UBQLN2: variants seen among roughly 807,000 people sequenced by gnomAD.
UBQLN2 encodes ubiquilin-2.
Under a neutral mutation model 22.2 loss-of-function variants are expected in UBQLN2, and 2 were observed. The observed-to-expected ratio is 0.09, with a 90% confidence interval of 0.04 to 0.28. UBQLN2 has a LOEUF of 0.28. Ranked by LOEUF, UBQLN2 falls within the 10% of genes least tolerant of loss-of-function variation. The pLI is 1.00. For synonymous variants in UBQLN2, 252 were observed against 206.7 expected, an observed-to-expected ratio of 1.22 and a Z score of -1.88; for missense variants, 446 against 505.1, an observed-to-expected ratio of 0.88 and a Z score of 1.12.
chrX:56,564,906 A>C lies in UBQLN2; in HGVS notation c.1033A>C (p.Ser345Arg). ...AAGCACTGGTAGTGGGTCTGGCAAT[A>C]GTTCCAGCAATGCTACTGGGAACAC... Reference protein sequence around the residue: ...TTSTGSGSGNSSSNATGNTVA... With the variant: ...TTSTGSGSGNRSSNATGNTVA... Residue 345 changes from serine (S) to arginine (R), a missense_variant, in exon 1 of 1, where the codon AGT (serine) becomes CGT (arginine). Physicochemically the swap from Ser to Arg is moderately radical, Grantham distance 110. Around this residue, in one of 3 missense-constraint regions of UBQLN2, gnomAD observed 278 missense variants for 279.4 expected, o/e 1.00. Transcript: ENST00000338222. 1 of 1,211,104 alleles carries C rather than the reference A, an allele frequency of 8.3e-7. No homozygotes were observed. The highest frequency in any genetic ancestry group is 1.1e-6 in the Non-Finnish European group (1 of 895,150).
Position 56,567,065 on chromosome X carries a change from G to A in UBQLN2, c.*1317G>A, listed in dbSNP as rs1178558782. The A allele has an allele frequency of 2.4e-5, 3 of 122,646 alleles. No homozygotes were observed. Among genetic ancestry groups the A allele is most frequent in the Non-Finnish European group, 5.7e-5 (3 of 52,949 alleles). 10.1% of individuals were successfully genotyped at this position (122,646 alleles called of 1,213,427 possible). ...ACTTATATGGTTTTATTTAGAAAAT[G>A]TTTTGTCCTGTCTGGAATTATCTTG... On this transcript the variant is annotated 3_prime_UTR_variant, in exon 1 of 1. Coordinates refer to ENST00000338222, the MANE Select transcript of UBQLN2 (RefSeq NM_013444.4).
Position 56,565,388 on chromosome X carries a change from C to A in UBQLN2, c.1515C>A (p.Val505=). Residue 505 remains valine, a synonymous_variant, in exon 1 of 1, where the codon GTC becomes GTA. Transcript: ENST00000338222. ...CCATAGGCCCCATAGGCCCTATAGTCCCTTTTACCCCCATAGGCCCCATTG... is the reference window on the plus strand; with the variant it reads ...CCATAGGCCCCATAGGCCCTATAGTACCTTTTACCCCCATAGGCCCCATTG... ...VTPIGPIGPI[V]PFTPIGPIGP... The A allele has an allele frequency of 8.3e-7, 1 of 1,198,965 alleles. No individual in the cohort carries two copies. Among genetic ancestry groups the A allele is most frequent in the South Asian group, 1.8e-5 (1 of 55,495 alleles).
In UBQLN2 at chrX:56,564,997, A is replaced by G. The variant is rs1229765953; in HGVS notation, c.1124A>G (p.Gln375Arg). ...STPGMQSLLQ[Q>R]ITENPQLIQN... ...CCAGGCATGCAGAGCCTGCTGCAAC[A>G]GATAACTGAAAACCCCCAGCTGATT... Residue 375 changes from glutamine to arginine, a missense_variant, in exon 1 of 1, where the codon CAG (glutamine) becomes CGG (arginine). Physicochemically the swap from Gln to Arg is conservative, Grantham distance 43. Around this residue, in one of 3 missense-constraint regions of UBQLN2, gnomAD observed 278 missense variants for 279.4 expected, o/e 1.00. Coordinates refer to ENST00000338222, the MANE Select transcript of UBQLN2 (RefSeq NM_013444.4). The G allele has an allele frequency of 2.5e-6, 3 of 1,212,125 alleles. No individual in the cohort carries two copies.
chrX:56,565,490 C>T lies in UBQLN2; in HGVS notation c.1617C>T (p.Ser539=), dbSNP rs1177713388. 5 of 1,204,112 alleles carry T rather than the reference C, an allele frequency of 4.2e-6. No individual in the cohort carries two copies. Among genetic ancestry groups the T allele is most frequent in the African/African-American group, 1.7e-5 (1 of 57,264 alleles). ...GSGGPTGPTV[S]SAAPSETTSP... ...GTGGCCCCACGGGGCCTACTGTGTC[C>T]AGCGCTGCACCTAGTGAAACCACGA... The change falls in exon 1 of 1, where the codon TCC becomes TCT. Residue 539 remains serine, a synonymous_variant. Coordinates refer to ENST00000338222, the MANE Select transcript of UBQLN2 (RefSeq NM_013444.4).
rs921325444 is a variant in UBQLN2 at position 56,563,935 on chromosome X, A to G, written c.62A>G (p.Gln21Arg). The G allele has an allele frequency of 1.7e-6, 2 of 1,159,578 alleles. No individual in the cohort carries two copies. Among genetic ancestry groups the G allele is most frequent in the Non-Finnish European group, 2.3e-6 (2 of 867,488 alleles). ...PRPSRGPAAAQGSAAAPAEPK... is the reference protein window; with the variant it reads ...PRPSRGPAAARGSAAAPAEPK... ...CCCTCCCGCGGCCCTGCTGCGGCCC[A>G]AGGCTCGGCTGCTGCCCCGGCTGAG... Residue 21 changes from glutamine (Q) to arginine (R), a missense_variant, in exon 1 of 1, where the codon CAA (glutamine) becomes CGA (arginine). Gln to Arg is a conservative substitution (Grantham distance 43). This residue lies in a region of UBQLN2 where 39 missense variants were observed against 27.6 expected (regional missense o/e 1.41). Transcript: ENST00000338222.
chrX:56,566,704 G>A lies in UBQLN2; in HGVS notation c.*956G>A, dbSNP rs764534500. 2 of 123,059 alleles carry A rather than the reference G, an allele frequency of 1.6e-5. No individual in the cohort carries two copies. Among genetic ancestry groups the A allele is most frequent in the East Asian group, 2.8e-4 (1 of 3,561 alleles). 10.1% of individuals were successfully genotyped at this position (123,059 alleles called of 1,213,427 possible). ...CAGCCTGAAGGATCAGTGTAGTAATGCCAGGAAAGTGCTTTTTACCTAAGA... is the reference window on the plus strand; with the variant it reads ...CAGCCTGAAGGATCAGTGTAGTAATACCAGGAAAGTGCTTTTTACCTAAGA... On this transcript the variant is annotated 3_prime_UTR_variant, in exon 1 of 1. Coordinates refer to ENST00000338222, the MANE Select transcript of UBQLN2 (RefSeq NM_013444.4).
rs753775666 is a variant in UBQLN2, at chrX:56,564,106, G to GA, written c.238dup (p.Ile80AsnfsTer15). ...GATCAGCTAGTGCTGATTTTTGCCG[G>GA]AAAAATCTTAAAAGATCAAGATACC... On this transcript the variant is annotated frameshift_variant, in exon 1 of 1. Transcript: ENST00000338222. LOFTEE classifies it high-confidence loss of function. The GA allele has an allele frequency of 8.3e-7, 1 of 1,209,051 alleles. No homozygotes were observed. Among genetic ancestry groups the GA allele is most frequent in the African/African-American group, 1.7e-5 (1 of 57,238 alleles).
chrX:56,564,611 G>A lies in UBQLN2; in HGVS notation c.738G>A (p.Glu246=), dbSNP rs2068631738. Residue 246 remains glutamate (E), a synonymous_variant, in exon 1 of 1, where the codon GAG becomes GAA. Coordinates refer to ENST00000338222, the MANE Select transcript of UBQLN2 (RefSeq NM_013444.4). ...CCAGGAATCCAGCCATGATGCAAGA[G>A]ATGATGAGAAATCAAGACCTGGCTC... ...EIARNPAMMQ[E]MMRNQDLALS... The A allele has an allele frequency of 8.3e-7, 1 of 1,211,486 alleles. No individual in the cohort carries two copies.
Position 56,565,193 on chromosome X carries a change from A to G in UBQLN2, c.1320A>G (p.Pro440=). Residue 440 remains proline, a synonymous_variant, in exon 1 of 1, where the codon CCA becomes CCG. Transcript: ENST00000338222. ...CCTTCCTGCAGCAGATGCAGAATCC[A>G]GACACACTATCAGCCATGTCAAACC... The part of the protein sequence containing the change: ...LPAFLQQMQN[P]DTLSAMSNPR... 8.3e-7 allele frequency: 1 copy of G among 1,212,004 alleles called. No individual in the cohort carries two copies. Among genetic ancestry groups the G allele is most frequent in the Non-Finnish European group, 1.1e-6 (1 of 895,429 alleles).
Position 56,565,283 on chromosome X carries a change from TG to T in UBQLN2, c.1412del (p.Gly471AlafsTer2). Reference protein sequence around the residue: ...GLQTLATEAPGLIPSFTPGVG... With the variant: ...GLQTLATEAPXLIPSFTPGVG... The stretch of plus-strand genomic sequence containing the variant: ...TACAGACATTAGCCACTGAAGCACC[TG>T]GCCTGATTCCGAGCTTCACTCCAGG... On this transcript the variant is annotated frameshift_variant, in exon 1 of 1. Transcript: ENST00000338222. LOFTEE classifies it high-confidence loss of function. 1 of 1,212,093 alleles carries T rather than the reference TG, an allele frequency of 8.3e-7. No homozygotes were observed. Among genetic ancestry groups the T allele is most frequent in the Non-Finnish European group, 1.1e-6 (1 of 895,452 alleles).
Position 56,566,203 on chromosome X carries a change from A to G in UBQLN2, c.*455A>G, listed in dbSNP as rs1163615118. On this transcript the variant is annotated 3_prime_UTR_variant, in exon 1 of 1. Transcript: ENST00000338222. ...TATTTGCATTTTTAAACATTAGCCTATGATAGTAATTTAATGTAGAATGAA... is the reference window on the plus strand; with the variant it reads ...TATTTGCATTTTTAAACATTAGCCTGTGATAGTAATTTAATGTAGAATGAA... 3 of 150,496 alleles carry G rather than the reference A, an allele frequency of 2.0e-5. No homozygotes were observed. Among genetic ancestry groups the G allele is most frequent in the South Asian group, 2.0e-4 (1 of 4,934 alleles). The allele number at this position is 150,496 out of a possible 1,213,427, so 12.4% of individuals were successfully genotyped here.
Position 56,566,338 on chromosome X carries a change from C to A in UBQLN2, c.*590C>A, listed in dbSNP as rs1038418510. The A allele has an allele frequency of 3.0e-5, 4 of 134,515 alleles. No homozygotes were observed. The highest frequency in any genetic ancestry group is 2.4e-4 in the Admixed American group (3 of 12,525). 11.1% of individuals were successfully genotyped at this position (134,515 alleles called of 1,213,427 possible). On this transcript the variant is annotated 3_prime_UTR_variant, in exon 1 of 1. Transcript: ENST00000338222. ...CTAGCAAAATGCTGTAAGATTTATA[C>A]CATTGATCTTTTTTGCTATATTTGT...
rs1203815489 is a variant in UBQLN2, at chrX:56,564,633, G to T, written c.760G>T (p.Ala254Ser). ...MQEMMRNQDL[A>S]LSNLESIPGG... ...AGAGATGATGAGAAATCAAGACCTG[G>T]CTCTTAGCAATCTAGAAAGCATCCC... Residue 254 changes from alanine to serine, a missense_variant, in exon 1 of 1, where the codon GCT (alanine) becomes TCT (serine). Coordinates refer to ENST00000338222, the MANE Select transcript of UBQLN2 (RefSeq NM_013444.4). 8.3e-7 allele frequency: 1 copy of T among 1,210,488 alleles called. No homozygotes were observed. The highest frequency in any genetic ancestry group is 2.2e-5 in the Admixed American group (1 of 45,985).
In UBQLN2 at chrX:56,567,312, C is replaced by CT. The variant is rs2068647344; in HGVS notation, c.*1570dup. 2.4e-5 allele frequency: 3 copies of CT among 122,775 alleles called. No homozygotes were observed. The highest frequency in any genetic ancestry group is 3.3e-5 in the African/African-American group (1 of 30,710). The allele number at this position is 122,775 out of a possible 1,213,427, so 10.1% of individuals were successfully genotyped here. A position where few individuals can be genotyped will look rare whatever the true frequency, so the allele number is the denominator to read the frequency against. On this transcript the variant is annotated 3_prime_UTR_variant, in exon 1 of 1. Coordinates refer to ENST00000338222, the MANE Select transcript of UBQLN2 (RefSeq NM_013444.4). ...TTTTAATGTGAGACCTCCTCTTGAT[C>CT]TTTTTTATTTTTTACAATATTCTGA...
Position 56,565,971 on chromosome X carries a change from C to T in UBQLN2, c.*223C>T, listed in dbSNP as rs2068640563. ...TTCCTACCTTCCCTTCCTCTTGTCT[C>T]CCCACTCCCTCCCTCTTTGTTTCCT... On this transcript the variant is annotated 3_prime_UTR_variant, in exon 1 of 1. Coordinates refer to ENST00000338222, the MANE Select transcript of UBQLN2 (RefSeq NM_013444.4). 3 of 448,652 alleles carry T rather than the reference C, an allele frequency of 6.7e-6. No homozygotes were observed. The South Asian group carries it at 1.0e-4, about 16-fold the overall frequency. The allele number at this position is 448,652 out of a possible 1,213,427, so 37.0% of individuals were successfully genotyped here.
chrX:56,563,650 C>T lies in UBQLN2; in HGVS notation c.-224C>T. ...TCACAAGGCGGCGGCGGAGGAGGCC[C>T]AGAGACCGGAGCGCGGAGACCTCAG... On this transcript the variant is annotated 5_prime_UTR_variant, in exon 1 of 1. Transcript: ENST00000338222. The T allele has an allele frequency of 2.9e-6, 1 of 341,600 alleles. No individual in the cohort carries two copies. Among genetic ancestry groups the T allele is most frequent in the Non-Finnish European group, 5.0e-6 (1 of 199,858 alleles). 28.2% of individuals were successfully genotyped at this position (341,600 alleles called of 1,213,427 possible). A position where few individuals can be genotyped will look rare whatever the true frequency, so the allele number is the denominator to read the frequency against.
Position 56,563,852 on chromosome X carries a change from C to A in UBQLN2, c.-22C>A. ...TTCGCCCGCCCGCGCCTTCCCTGCCCGCCTGCGTCACCGCGGCCGCCATGG... is the reference window on the plus strand; with the variant it reads ...TTCGCCCGCCCGCGCCTTCCCTGCCAGCCTGCGTCACCGCGGCCGCCATGG... On this transcript the variant is annotated 5_prime_UTR_variant, in exon 1 of 1. Transcript: ENST00000338222. The A allele has an allele frequency of 8.9e-7, 1 of 1,128,874 alleles. No individual in the cohort carries two copies. The highest frequency in any genetic ancestry group is 1.2e-6 in the Non-Finnish European group (1 of 851,739). 93.0% of individuals were successfully genotyped at this position (1,128,874 alleles called of 1,213,427 possible).
rs757655385 is a variant in UBQLN2, at chrX:56,565,207, C to T, written c.1334C>T (p.Ala445Val). The change falls in exon 1 of 1, where the codon GCC (alanine) becomes GTC (valine). Residue 445 changes from alanine to valine, a missense_variant. By Grantham distance (64) the Ala-to-Val change is moderately conservative. Around this residue, in one of 3 missense-constraint regions of UBQLN2, gnomAD observed 278 missense variants for 279.4 expected, o/e 1.00. Transcript: ENST00000338222. Reference sequence around the variant, plus strand: ...ATGCAGAATCCAGACACACTATCAGCCATGTCAAACCCAAGAGCAATGCAG... The same window carrying T: ...ATGCAGAATCCAGACACACTATCAGTCATGTCAAACCCAAGAGCAATGCAG... Reference protein sequence around the residue: ...QQMQNPDTLSAMSNPRAMQAL... With the variant: ...QQMQNPDTLSVMSNPRAMQAL... 1 of 1,211,983 alleles carries T rather than the reference C, an allele frequency of 8.3e-7. No homozygotes were observed. The highest frequency in any genetic ancestry group is 1.1e-6 in the Non-Finnish European group (1 of 895,450).
chrX:56,566,034 T>C lies in UBQLN2; in HGVS notation c.*286T>C, dbSNP rs1001738106. ...TCCTTTAGTTTCCTTCCTTAGCCGTTTTGAGTGGTGGGAATCAATGCTGTT... is the reference window on the plus strand; with the variant it reads ...TCCTTTAGTTTCCTTCCTTAGCCGTCTTGAGTGGTGGGAATCAATGCTGTT... On this transcript the variant is annotated 3_prime_UTR_variant, in exon 1 of 1. Coordinates refer to ENST00000338222, the MANE Select transcript of UBQLN2 (RefSeq NM_013444.4). 4 of 396,426 alleles carry C rather than the reference T, an allele frequency of 1.0e-5. No individual in the cohort carries two copies. Among genetic ancestry groups the C allele is most frequent in the Middle Eastern group, 7.3e-4 (1 of 1,368 alleles). 32.7% of individuals were successfully genotyped at this position (396,426 alleles called of 1,213,427 possible).
Sources: gnomAD v4.1 joint callset for allele counts on GRCh38, gnomAD v4.1.1 for gene constraint, gnomAD v4.1.1 regional missense constraint, MANE v1.5 for transcripts, NCBI Gene and HGNC (gene_info 2026-07-23, HGNC 2026-07-21) for gene names.